Variants in TGIF1 observed in about 807,000 individuals in gnomAD.
TGIF1 encodes TGFB induced factor homeobox 1, also known as homeobox protein TGIF1.
In TGIF1, 4 loss-of-function variants were observed where a neutral mutation model predicts 19.3. The observed-to-expected ratio is 0.21, with a 90% confidence interval of 0.10 to 0.47. TGIF1 has a LOEUF of 0.47. Among genes scored for constraint, TGIF1 ranks in the 20% least tolerant of loss-of-function variants. The pLI is 0.98. For missense variants in TGIF1, 275 were observed against 341.4 expected (o/e 0.81, Z 1.53); for synonymous variants, 122 against 129.3 (o/e 0.94, Z 0.38).
intron 2 of TGIF1, among the ~76,000 whole-genome samples, chr18:3,440,038 A>AG (rs2082662861): frequency 6.6e-6 from 1 of 151,414 alleles, no homozygotes; most frequent in African/African-American, 2.4e-5. Context: ...AAAAAAAAAA[A>AG]GTACTGATTT....
intron 2 of TGIF1, among the ~76,000 whole-genome samples, chr18:3,423,663 A>G (rs909946551): frequency 1.3e-5 from 2 of 151,902 alleles, no homozygotes; most frequent in African/African-American, 2.4e-5. Context: ...AGCCTGCACA[A>G]CAGAGCGAGA....
intron 1 of TGIF1, among the ~76,000 whole-genome samples, chr18:3,413,531 A>C (rs574268501): frequency 1.3e-5 from 2 of 152,144 alleles, no homozygotes; most frequent in African/African-American, 2.4e-5. Context: ...AGTTCTCTTC[A>C]TAGAGTCTAG....
chr18:3,449,966 A>T (rs779070705), upstream of TGIF1: 134 of 986,798 alleles, frequency 1.4e-4, no homozygotes, highest in Non-Finnish European at 1.6e-4. Flanking sequence ...GGCAGGCGGA[A>T]AGGATCGTGT....
chr18:3,434,957 C>T (rs1475685657), intron 2 of TGIF1, among the ~76,000 whole-genome samples: 1 of 152,112 alleles, frequency 6.6e-6, no homozygotes. Flanking sequence ...CTGGCATGGA[C>T]CTGGCCTGAA....
At position 3,456,060 on chromosome 18, in the gene TGIF1, T is replaced by C; in HGVS notation, c.17-294T>C. 1 of 447,642 alleles carries C rather than the reference T, an allele frequency of 2.2e-6. No individual in the cohort carries two copies. The highest frequency in any genetic ancestry group is 4.5e-5 in the East Asian group (1 of 22,006). 27.7% of individuals were successfully genotyped at this position (447,642 alleles called of 1,614,324 possible). On this transcript the variant is annotated intron_variant, in intron 1 of 2. Transcript: ENST00000343820. This position sits in a 1 kb window ranked among gnomAD's most constrained non-coding sequence, Gnocchi z 4.2. ...TTTGGGTGCAGTTTGTCTCCTCCAA[T>C]GATTAGACGAAAGAGTTTTCTGACC...
intron 2 of TGIF1, among the ~76,000 whole-genome samples, chr18:3,434,565 A>G (rs1211611691): frequency 6.6e-6 from 1 of 151,862 alleles, no homozygotes; most frequent in East Asian, 1.9e-4. Flanking sequence ...AATAAAAAAA[A>G]TTAGCCAGGC....
rs7229123 is a variant in TGIF1, at chr18:3,459,380, T to C, written c.*1440T>C. 84,362 of 152,008 alleles carry C rather than the reference T, an allele frequency of 0.55. 24,105 individuals are homozygous for C. The highest frequency in any genetic ancestry group is 0.6 in the African/African-American group (24,819 of 41,428). The allele number at this position is 152,008 out of a possible 1,614,324, so 9.4% of individuals were successfully genotyped here. ...AGTGAAAGAAAAAAACTGCTGATGA[T>C]TACCAAGAGGCGTAAGAAAATTAGG... On this transcript the variant is annotated 3_prime_UTR_variant, in exon 3 of 3. Coordinates refer to ENST00000343820, the MANE Select transcript of TGIF1 (RefSeq NM_003244.4).
chr18:3,417,316 C>T (rs979702648), intron 1 of TGIF1, among the ~76,000 whole-genome samples: 11 of 151,974 alleles, frequency 7.2e-5, no homozygotes, highest in South Asian at 2.1e-4. Flanking sequence ...TGAGCCACCG[C>T]GTCCGGCTAA....
At chr18:3,413,275 T>C (rs1226495334) in intron 1 of TGIF1, among the ~76,000 whole-genome samples, 1 of 152,242 alleles carries the variant, frequency 6.6e-6, no homozygotes, top group Non-Finnish European at 1.5e-5. Flanking sequence ...ACATGGCTTA[T>C]GAATATTTTT....
intron 1 of TGIF1, among the ~76,000 whole-genome samples, chr18:3,450,707 G>A (rs2082885025): frequency 2.0e-5 from 3 of 152,230 alleles, no homozygotes; most frequent in Admixed American, 2.0e-4. Flanking sequence ...GGGCTGTTGT[G>A]GGGCGAGCCT....
Position 3,457,778 on chromosome 18 carries a change from T to G in TGIF1, c.657T>G (p.Thr219=), listed in dbSNP as rs2229336. 23,704 of 1,613,990 alleles carry G rather than the reference T, an allele frequency of 0.015. 1,204 individuals are homozygous for G. In the African/African-American group the frequency reaches 0.17, roughly 11 times the overall value. The change falls in exon 3 of 3, where the codon ACT becomes ACG. Residue 219 remains threonine (T), a synonymous_variant. Coordinates refer to ENST00000343820, the MANE Select transcript of TGIF1 (RefSeq NM_003244.4). The surrounding 1 kb of genome is among the most constrained non-coding windows in gnomAD (Gnocchi z 4.9). The part of the protein sequence containing the change: ...TDTSLMYPED[T]CKSGPSTNTQ... Reference sequence around the variant, plus strand: ...CCTCTCTCATGTACCCAGAGGACACTTGTAAATCTGGACCAAGTACGAATA... The same window carrying G: ...CCTCTCTCATGTACCCAGAGGACACGTGTAAATCTGGACCAAGTACGAATA...
intron 2 of TGIF1, among the ~76,000 whole-genome samples, chr18:3,443,338 T>C (rs191144017): frequency 3.1e-3 from 473 of 152,298 alleles, no homozygotes; most frequent in Non-Finnish European, 5.2e-3. Context: ...GCTCATGGGT[T>C]ATACTGGCAG....
intron 2 of TGIF1, among the ~76,000 whole-genome samples, chr18:3,425,734 C>T (rs934584114): frequency 6.6e-6 from 1 of 152,166 alleles, no homozygotes; most frequent in Non-Finnish European, 1.5e-5. Context: ...CCCCTAACCT[C>T]CAGGCATGCT....
Position 3,457,933 on chromosome 18 carries a change from C to A in TGIF1, c.812C>A (p.Thr271Lys), listed in dbSNP as rs2049416810. 1 of 1,600,070 alleles carries A rather than the reference C, an allele frequency of 6.2e-7. No homozygotes were observed. Among genetic ancestry groups the A allele is most frequent in the Non-Finnish European group, 8.5e-7 (1 of 1,179,922 alleles). The change falls in exon 3 of 3, where the codon ACA (threonine) becomes AAA (lysine). Residue 271 changes from threonine (T) to lysine (K), a missense_variant. By Grantham distance (78) the Thr-to-Lys change is moderately conservative. Coordinates refer to ENST00000343820, the MANE Select transcript of TGIF1 (RefSeq NM_003244.4). The surrounding 1 kb of genome is among the most constrained non-coding windows in gnomAD (Gnocchi z 4.9). Reference sequence around the variant, plus strand: ...GAGATGGAGCTTCAGGCAAAACTTACAGCTTAACCCATTTTCAAGCAAAAC... The same window carrying A: ...GAGATGGAGCTTCAGGCAAAACTTAAAGCTTAACCCATTTTCAAGCAAAAC... Reference protein sequence around the residue: ...AAEMELQAKLTA With the variant: ...AAEMELQAKLKA
At chr18:3,447,651 G>A (rs556568943), upstream of TGIF1, 74 of 1,463,726 alleles carry the variant, frequency 5.1e-5, no homozygotes, top group South Asian at 6.4e-4. Flanking sequence ...ATCTACGGGA[G>A]CGGTTGGGCT....
At chr18:3,453,781 T>G in intron 1 of TGIF1, 1 of 984,758 alleles carries the variant, frequency 1.0e-6, no homozygotes, top group Non-Finnish European at 1.2e-6. Flanking sequence ...CTCCACAACA[T>G]TTCCTTGTAT....
rs1183805502 is a variant in TGIF1, at chr18:3,458,868, T to C, written c.*928T>C. ...TTTAGTTAAGGCATTTGTATTCAAA[T>C]GTAGCATAGTATTTGCAGAGAAATT... On this transcript the variant is annotated 3_prime_UTR_variant, in exon 3 of 3. Coordinates refer to ENST00000343820, the MANE Select transcript of TGIF1 (RefSeq NM_003244.4). 3.9e-5 allele frequency: 6 copies of C among 152,248 alleles called. No homozygotes were observed. Among genetic ancestry groups the C allele is most frequent in the Non-Finnish European group, 5.9e-5 (4 of 68,034 alleles). 9.4% of individuals were successfully genotyped at this position (152,248 alleles called of 1,614,324 possible).
At chr18:3,446,492 C>T (rs964567394), upstream of TGIF1, among the ~76,000 whole-genome samples, 6 of 152,216 alleles carry the variant, frequency 3.9e-5, no homozygotes, top group South Asian at 8.3e-4. Context: ...CCTATCTTTT[C>T]GTTTTATCCC....
upstream of TGIF1, chr18:3,449,868 GC>G: frequency 1.0e-6 from 1 of 985,534 alleles, no homozygotes; most frequent in Non-Finnish European, 1.2e-6. Flanking sequence ...ACCCTCGCCA[GC>G]CCCGGGAAGA....
Sources: allele counts gnomAD v4.1 joint callset (sites outside exome capture counted in the v4.1 genomes callset), GRCh38; gene constraint gnomAD v4.1.1; non-coding constraint Gnocchi (gnomAD v3.1); transcripts MANE v1.5; gene names NCBI Gene and HGNC (gene_info 2026-07-23, HGNC 2026-07-21).